The following PDLIM5 variants were observed in gnomAD, a reference collection of about 807,000 sequenced individuals.
The protein encoded by PDLIM5 is PDZ and LIM domain 5.
PDLIM5 carries 34 observed loss-of-function variants against 64.2 expected under a neutral mutation model. That is an observed-to-expected ratio of 0.53 (90% confidence interval 0.40 to 0.71). The LOEUF is 0.71. Ranked by LOEUF, PDLIM5 falls within the 30% of genes least tolerant of loss-of-function variation. The pLI is 0.00. For missense variants in PDLIM5, 683 were observed against 733.6 expected (o/e 0.93, Z 0.80); for synonymous variants, 253 against 269.1 (o/e 0.94, Z 0.59).
At position 94,610,327 on chromosome 4, in the gene PDLIM5, T is replaced by C. The variant is rs187949303; in HGVS notation, c.921-7677T>C. On this transcript the variant is annotated intron_variant, in intron 7 of 12. Coordinates refer to ENST00000317968, the MANE Select transcript of PDLIM5 (RefSeq NM_006457.5). ...CAGGTAGAACTACACGTACAGCGTC[T>C]GTCTGATGTGATCTCAGCGCTCTTC... 2.7e-3 allele frequency: 3,955 copies of C among 1,452,332 alleles called. 11 individuals carry two copies. The highest frequency in any genetic ancestry group is 2.8e-3 in the Non-Finnish European group (3,067 of 1,099,434). 90.0% of individuals were successfully genotyped at this position (1,452,332 alleles called of 1,614,324 possible).
intron 2 of PDLIM5, among the ~76,000 whole-genome samples, chr4:94,482,750 A>G (rs1339357342): frequency 1.3e-5 from 2 of 152,166 alleles, no homozygotes; most frequent in East Asian, 3.9e-4. Context: ...TTTGCTGAGC[A>G]TGGTAGTGTG....
intron 2 of PDLIM5, among the ~76,000 whole-genome samples, chr4:94,522,967 GTATAA>G (rs138272481): frequency 0.012 from 1,776 of 152,228 alleles, 39 homozygotes; most frequent in African/African-American, 0.04. Context: ...CTGTCACTTA[GTATAA>G]TATATCTGCT....
intron 2 of PDLIM5, chr4:94,456,547 A>T (rs1408274448): frequency 2.8e-6 from 2 of 718,686 alleles, no homozygotes; most frequent in Admixed American, 2.0e-5. Context: ...CCCTGAGATC[A>T]TTCTCTATTA....
chr4:94,606,612 A>G (rs1737945708), intron 7 of PDLIM5, among the ~76,000 whole-genome samples: 1 of 152,178 alleles, frequency 6.6e-6, no homozygotes, highest in Non-Finnish European at 1.5e-5. Context: ...GATCACCTAG[A>G]GCAGGGCTGG....
chr4:94,641,084 A>C (rs1740969307), intron 9 of PDLIM5, among the ~76,000 whole-genome samples: 2 of 152,190 alleles, frequency 1.3e-5, no homozygotes, highest in South Asian at 4.1e-4. Flanking sequence ...AGTATTTCTG[A>C]ATAAGGGGCT....
At chr4:94,585,054 A>G (rs1164571021) in intron 5 of PDLIM5, 2 of 949,296 alleles carry the variant, frequency 2.1e-6, no homozygotes, top group Admixed American at 2.3e-5. Flanking sequence ...TATTAACATT[A>G]TAAGTGCAGT....
intron 8 of PDLIM5, among the ~76,000 whole-genome samples, chr4:94,619,589 A>G (rs1384703028): frequency 1.3e-5 from 2 of 151,838 alleles, no homozygotes; most frequent in African/African-American, 4.8e-5. Context: ...GCAGTGAGCC[A>G]AGATCACGCC....
chr4:94,610,280 C>T, intron 7 of PDLIM5: 2 of 1,517,912 alleles, frequency 1.3e-6, no homozygotes, highest in East Asian at 5.0e-5. Context: ...GCTACTGTGT[C>T]TGCTGTTATT....
intron 2 of PDLIM5, among the ~76,000 whole-genome samples, chr4:94,516,484 G>GA (rs1284910963): frequency 6.7e-6 from 1 of 150,014 alleles, no homozygotes; most frequent in African/African-American, 2.5e-5. Context: ...TTATTTCACA[G>GA]AAAAAGGTAA....
intron 2 of PDLIM5, among the ~76,000 whole-genome samples, chr4:94,508,384 A>G (rs1187204459): frequency 6.6e-6 from 1 of 152,174 alleles, no homozygotes; most frequent in African/African-American, 2.4e-5. Flanking sequence ...GTATTGGTGG[A>G]AGTTCTAACC....
intron 12 of PDLIM5, among the ~76,000 whole-genome samples, chr4:94,663,257 C>G (rs1202372161): frequency 6.6e-6 from 1 of 152,064 alleles, no homozygotes; most frequent in Non-Finnish European, 1.5e-5. Context: ...TAATGATTTC[C>G]CCAAACATTA....
At chr4:94,627,653 A>G (rs1011502230) in intron 8 of PDLIM5, among the ~76,000 whole-genome samples, 7 of 152,238 alleles carry the variant, frequency 4.6e-5, no homozygotes, top group African/African-American at 1.4e-4. Flanking sequence ...ATTTCATGCC[A>G]CAATGGCAGA....
Position 94,665,497 on chromosome 4 carries a change from AAAAAAAAAAG to A in PDLIM5, c.*1432_*1441del. The A allele has an allele frequency of 1.3e-6, 1 of 790,442 alleles. No homozygotes were observed. The highest frequency in any genetic ancestry group is 1.5e-6 in the Non-Finnish European group (1 of 658,512). 49.0% of individuals were successfully genotyped at this position (790,442 alleles called of 1,614,324 possible). A position where few individuals can be genotyped will look rare whatever the true frequency, so the allele number is the denominator to read the frequency against. ...TCCGGCTCTTAAAAAAAAAAAAAAA[AAAAAAAAAAG>A]AGAGAGAGAGAATAAATAGAAAAGA... is the stretch of plus-strand genomic sequence containing the variant. On this transcript the variant is annotated 3_prime_UTR_variant, in exon 13 of 13. Coordinates refer to ENST00000317968, the MANE Select transcript of PDLIM5 (RefSeq NM_006457.5).
At chr4:94,503,526 G>A (rs1037258437) in intron 2 of PDLIM5, among the ~76,000 whole-genome samples, 1 of 152,172 alleles carries the variant, frequency 6.6e-6, no homozygotes, top group Non-Finnish European at 1.5e-5. Context: ...GACAAGAAGA[G>A]CAGTAATATT....
chr4:94,615,487 T>C (rs954723509), intron 7 of PDLIM5, among the ~76,000 whole-genome samples: 4 of 151,830 alleles, frequency 2.6e-5, no homozygotes, highest in Non-Finnish European at 5.9e-5. Context: ...AGAGAGAGAG[T>C]AGGAAGAGGT....
chr4:94,453,979 T>G (rs1472903400), intron 1 of PDLIM5, among the ~76,000 whole-genome samples: 2 of 152,200 alleles, frequency 1.3e-5, no homozygotes, highest in African/African-American at 4.8e-5. Context: ...AAAACCAGGC[T>G]TATTTGAATG....
intron 3 of PDLIM5, among the ~76,000 whole-genome samples, chr4:94,563,039 A>G (rs2510766): frequency 0.72 from 110,223 of 152,046 alleles, 42,297 homozygotes; most frequent in East Asian, 0.93. Context: ...TCAGTTTTCT[A>G]TAAACAAAAA....
At chr4:94,638,933 G>T (rs929493807) in intron 8 of PDLIM5, among the ~76,000 whole-genome samples, 2 of 152,104 alleles carry the variant, frequency 1.3e-5, no homozygotes, top group African/African-American at 4.8e-5. Flanking sequence ...GGAAGGAAAG[G>T]CACAGAAATA....
intron 3 of PDLIM5, among the ~76,000 whole-genome samples, chr4:94,529,683 A>G (rs1308214974): frequency 1.3e-5 from 2 of 151,938 alleles, no homozygotes; most frequent in Non-Finnish European, 2.9e-5. Flanking sequence ...GACTCAGTAT[A>G]CTCTGTGTTT....
Sources: allele counts gnomAD v4.1 joint callset (sites outside exome capture counted in the v4.1 genomes callset), GRCh38; gene constraint gnomAD v4.1.1; transcripts MANE v1.5; gene names NCBI Gene and HGNC (gene_info 2026-07-23, HGNC 2026-07-21).